FAAH2: variants seen among roughly 807,000 people sequenced by gnomAD.
FAAH2 encodes fatty-acid amide hydrolase 2.
Under a neutral mutation model 36.9 loss-of-function variants are expected in FAAH2, and 60 were observed. That is an observed-to-expected ratio of 1.63 (90% confidence interval 1.32 to 2.02). The LOEUF is 2.02. Among genes scored for constraint, FAAH2 ranks in the 30% most tolerant of loss-of-function variants. The pLI is 0.00. For synonymous variants in FAAH2, 214 were observed against 143.8 expected (o/e 1.49, Z -3.49); for missense variants, 689 against 397.5 (o/e 1.73, Z -6.23).
intron 10 of FAAH2, among the ~76,000 whole-genome samples, chrX:57,461,175 A>G (rs1159473817): frequency 4.5e-5 from 5 of 110,197 alleles, no homozygotes; most frequent in Admixed American, 1.9e-4. Context: ...GAGTTCTACA[A>G]AAAGACTTAG....
chrX:57,177,738 G>C, the FAAH2 span, among the ~76,000 whole-genome samples: 10 of 104,715 alleles, frequency 9.5e-5, no homozygotes, highest in East Asian at 3.0e-3. Context: ...GGGTGTGAAG[G>C]GAAAAGAAGT....
chrX:57,319,285 C>T (rs889737465), intron 3 of FAAH2, among the ~76,000 whole-genome samples: 15 of 111,471 alleles, frequency 1.3e-4, no homozygotes, highest in Admixed American at 2.9e-4. Flanking sequence ...TCGTCTCAGC[C>T]CAAAATCTCC....
At chrX:57,363,146 T>C (rs1220257580) in intron 5 of FAAH2, among the ~76,000 whole-genome samples, 3 of 112,074 alleles carry the variant, frequency 2.7e-5, no homozygotes, top group African/African-American at 9.7e-5. Context: ...TAGCAAGGAA[T>C]CTGTAAATGG....
the FAAH2 span, among the ~76,000 whole-genome samples, chrX:57,275,593 A>G: frequency 8.9e-6 from 1 of 112,454 alleles, no homozygotes; most frequent in Non-Finnish European, 1.9e-5. Flanking sequence ...TTAAATGTAA[A>G]TGGGCTTAAA....
chrX:57,342,925 G>C (rs1238983661), intron 5 of FAAH2, among the ~76,000 whole-genome samples: 1 of 111,520 alleles, frequency 9.0e-6, no homozygotes, highest in Non-Finnish European at 1.9e-5. Context: ...ATGGCCTCTA[G>C]CTGCATCCAT....
chrX:57,195,842 C>G, the FAAH2 span, among the ~76,000 whole-genome samples: 4 of 111,979 alleles, frequency 3.6e-5, no homozygotes, highest in East Asian at 1.1e-3. Context: ...ATCCCAGCAC[C>G]ATTTGTTGAA....
chrX:57,313,015 G>GA (rs888753393), intron 3 of FAAH2, among the ~76,000 whole-genome samples: 19 of 111,008 alleles, frequency 1.7e-4, no homozygotes, highest in Non-Finnish European at 2.8e-4. Context: ...AGAGATGGGA[G>GA]AAAAAATGGG....
intron 10 of FAAH2, among the ~76,000 whole-genome samples, chrX:57,464,518 CAA>C (rs5902566): frequency 0.027 from 1,660 of 60,941 alleles, 32 homozygotes; most frequent in African/African-American, 0.085. Flanking sequence ...ATAGCAATTG[CAA>C]AAAAAAAAAA....
intron 5 of FAAH2, among the ~76,000 whole-genome samples, chrX:57,349,766 A>T (rs1247135422): frequency 9.2e-6 from 1 of 109,207 alleles, no homozygotes; most frequent in Non-Finnish European, 1.9e-5. Context: ...TTGGGACAAC[A>T]TAAATCAACT....
At chrX:57,206,003 T>G in the FAAH2 span, among the ~76,000 whole-genome samples, 3 of 112,111 alleles carry the variant, frequency 2.7e-5, no homozygotes, top group Non-Finnish European at 5.6e-5. Flanking sequence ...GAAAAAGCCA[T>G]TCTACAAGAT....
intron 7 of FAAH2, chrX:57,393,099 C>T (rs1373555959): frequency 1.4e-5 from 13 of 949,783 alleles, no homozygotes; most frequent in Admixed American, 4.4e-5. Context: ...GTGCACTTCA[C>T]GGCATCAAAA....
chrX:57,299,355 C>T (rs944806829), intron 2 of FAAH2, among the ~76,000 whole-genome samples: 1 of 111,768 alleles, frequency 8.9e-6, no homozygotes, highest in Admixed American at 9.5e-5. Flanking sequence ...AGACAAAAAC[C>T]ACATGATTAT....
chrX:57,423,241 C>T (rs1569335148), intron 7 of FAAH2, among the ~76,000 whole-genome samples: 1 of 111,854 alleles, frequency 8.9e-6, no homozygotes, highest in South Asian at 3.7e-4. Flanking sequence ...TGAAAGTCTC[C>T]GGTTTGGCAA....
chrX:57,157,474 C>T, the FAAH2 span, among the ~76,000 whole-genome samples: 5 of 111,485 alleles, frequency 4.5e-5, no homozygotes, highest in African/African-American at 1.6e-4. Flanking sequence ...TAGAAGTCTG[C>T]CTGGTGTTGC....
At chrX:57,483,871 C>A (rs1030427824) in intron 10 of FAAH2, among the ~76,000 whole-genome samples, 4 of 101,965 alleles carry the variant, frequency 3.9e-5, no homozygotes, top group African/African-American at 1.5e-4. Context: ...TAAATCTCAG[C>A]TCACCACAAG....
the FAAH2 span, among the ~76,000 whole-genome samples, chrX:57,257,842 T>C: frequency 3.6e-5 from 4 of 111,250 alleles, no homozygotes; most frequent in East Asian, 1.1e-3. Context: ...TAATTGAAAA[T>C]ATATCTTGTG....
chrX:57,283,047 A>G (rs1308039527), upstream of FAAH2, among the ~76,000 whole-genome samples: 1 of 111,978 alleles, frequency 8.9e-6, no homozygotes, highest in Non-Finnish European at 1.9e-5. Context: ...AACTGGTGCA[A>G]TCAGTCAAGG....
chrX:57,474,225 A>C (rs1199213910), intron 10 of FAAH2, among the ~76,000 whole-genome samples: 2 of 111,242 alleles, frequency 1.8e-5, no homozygotes, highest in Non-Finnish European at 3.8e-5. Context: ...AACTTCTGGG[A>C]TACACGTGTA....
At chrX:57,203,560 A>C in the FAAH2 span, among the ~76,000 whole-genome samples, 2 of 112,293 alleles carry the variant, frequency 1.8e-5, no homozygotes, top group African/African-American at 6.5e-5. Flanking sequence ...TGATGAAAGC[A>C]AAGTGGCTTT....
Sources: allele counts gnomAD v4.1 joint callset (sites outside exome capture counted in the v4.1 genomes callset), GRCh38; gene constraint gnomAD v4.1.1; transcripts MANE v1.5; gene names NCBI Gene and HGNC (gene_info 2026-07-23, HGNC 2026-07-21).